CRY1: variants seen among roughly 807,000 people sequenced by gnomAD.
CRY1 encodes the protein cryptochrome-1.
CRY1 carries 45 observed loss-of-function variants against 76.0 expected under a neutral mutation model. The ratio of observed to expected loss-of-function variants is 0.59; its 90% CI spans 0.47 to 0.76. The LOEUF is 0.76. Among genes scored for constraint, CRY1 ranks in the 30% least tolerant of loss-of-function variants. The pLI, the probability that CRY1 is intolerant of heterozygous loss-of-function variation, is 0.00. For synonymous variants in CRY1, 248 were observed against 244.0 expected (o/e 1.02, Z -0.15); for missense variants, 587 against 716.4 (o/e 0.82, Z 2.06).
chr12:107,008,778 G>C lies in CRY1; in HGVS notation c.268-3530C>G, dbSNP rs375904520. 5.8e-4 allele frequency among the ~76,000 whole-genome samples: 89 copies of C among 152,276 alleles called. 1 individual carries two copies. The East Asian group carries it at 0.014, about 24-fold the overall frequency. ...CCCAGTGGGAGGTAACTGAATCATG[G>C]GGGTGGGTTTCGCCCGTGCTGTTCT... On this transcript the variant is annotated intron_variant, in intron 2 of 12. Coordinates refer to ENST00000008527, the MANE Select transcript of CRY1 (RefSeq NM_004075.5).
At chr12:107,064,834 C>T (rs1458518749) in intron 1 of CRY1, among the ~76,000 whole-genome samples, 1 of 152,090 alleles carries the variant, frequency 6.6e-6, no homozygotes, top group Non-Finnish European at 1.5e-5. Flanking sequence ...AAAGTATTCA[C>T]AAATATGTTA....
intron 1 of CRY1, among the ~76,000 whole-genome samples, chr12:107,076,915 T>C (rs1039387565): frequency 1.3e-5 from 2 of 152,166 alleles, no homozygotes; most frequent in Admixed American, 1.3e-4. Context: ...CTATGCAACA[T>C]GCCTGCTCCC....
chr12:107,061,439 G>GCAT (rs1048060882), intron 1 of CRY1, among the ~76,000 whole-genome samples: 3 of 151,648 alleles, frequency 2.0e-5, no homozygotes, highest in African/African-American at 7.3e-5. Flanking sequence ...GAGTTCAGTG[G>GCAT]CGTGATCTTA....
chr12:107,036,880 TG>T (rs762250062), intron 1 of CRY1, among the ~76,000 whole-genome samples: 15 of 152,178 alleles, frequency 9.9e-5, no homozygotes, highest in African/African-American at 3.6e-4. Context: ...AGGCTCTCTC[TG>T]ACCATCTTAT....
At chr12:107,078,316 CT>C (rs1274291261) in intron 1 of CRY1, among the ~76,000 whole-genome samples, 4 of 152,014 alleles carry the variant, frequency 2.6e-5, no homozygotes, top group Non-Finnish European at 5.9e-5. Context: ...CAATAATTTC[CT>C]TTTCCCACCT....
intron 1 of CRY1, among the ~76,000 whole-genome samples, chr12:107,032,494 G>A (rs933458181): frequency 1.4e-5 from 2 of 143,394 alleles, no homozygotes; most frequent in South Asian, 4.8e-4. Context: ...GGTGTGCTCT[G>A]AGATAACTGT....
chr12:107,029,713 C>T (rs944398445), intron 1 of CRY1, among the ~76,000 whole-genome samples: 7 of 151,664 alleles, frequency 4.6e-5, no homozygotes, highest in Non-Finnish European at 5.9e-5. Context: ...TCTATAATTT[C>T]AATCACTGAT....
chr12:107,075,015 C>CA (rs5800726), intron 1 of CRY1, among the ~76,000 whole-genome samples: 66,976 of 149,186 alleles, frequency 0.45, 15,144 homozygotes, highest in East Asian at 0.59. Context: ...AACTCTGTCT[C>CA]AAAAAAAAAA....
intron 1 of CRY1, among the ~76,000 whole-genome samples, chr12:107,066,334 T>C (rs1234223162): frequency 1.3e-5 from 2 of 152,256 alleles, no homozygotes; most frequent in African/African-American, 4.8e-5. Context: ...GTGTACATAA[T>C]ATGATCCCAT....
intron 2 of CRY1, among the ~76,000 whole-genome samples, chr12:107,007,530 CT>C (rs869308756): frequency 6.9e-3 from 970 of 139,922 alleles, no homozygotes; most frequent in Middle Eastern, 0.015. Context: ...TCTTTTTCTT[CT>C]TTTTTTTTTT....
At chr12:107,073,388 T>C (rs1049823108) in intron 1 of CRY1, among the ~76,000 whole-genome samples, 4 of 151,916 alleles carry the variant, frequency 2.6e-5, no homozygotes, top group African/African-American at 7.3e-5. Context: ...CATGAGCCAC[T>C]GTGCCTGGCC....
intron 1 of CRY1, among the ~76,000 whole-genome samples, chr12:107,075,703 A>G (rs1953244555): frequency 6.6e-6 from 1 of 152,300 alleles, no homozygotes; most frequent in South Asian, 2.1e-4. Context: ...ATTACTCTGA[A>G]TTCCACATGG....
At chr12:107,018,629 G>A (rs1952522138) in intron 2 of CRY1, among the ~76,000 whole-genome samples, 1 of 151,814 alleles carries the variant, frequency 6.6e-6, no homozygotes, top group African/African-American at 2.4e-5. Context: ...AAAAGAAATA[G>A]ATATAATGAG....
intron 1 of CRY1, among the ~76,000 whole-genome samples, chr12:107,036,889 T>G (rs1952739154): frequency 6.6e-6 from 1 of 152,118 alleles, no homozygotes; most frequent in African/African-American, 2.4e-5. Flanking sequence ...CTGACCATCT[T>G]ATCTAAAATA....
At chr12:107,073,337 GATC>G (rs2136894635) in intron 1 of CRY1, among the ~76,000 whole-genome samples, 1 of 151,836 alleles carries the variant, frequency 6.6e-6, no homozygotes, top group Admixed American at 6.6e-5. Context: ...TGGTTCAACT[GATC>G]CTCTTGCCTC....
chr12:107,042,757 T>A lies in CRY1; in HGVS notation c.159-20565A>T, dbSNP rs554383026. On this transcript the variant is annotated intron_variant, in intron 1 of 12. Transcript: ENST00000008527. The stretch of plus-strand genomic sequence containing the variant: ...AGAAACCCTGGTGAGTACAGAAACT[T>A]AGGATGGCCACACGGAGAATGGAAG... Among the ~76,000 whole-genome samples, 7 of 152,098 alleles carry A rather than the reference T, an allele frequency of 4.6e-5. No homozygotes were observed. In the South Asian group the frequency reaches 1.5e-3, roughly 32 times the overall value.
intron 10 of CRY1, among the ~76,000 whole-genome samples, 194 bp downstream of exon 10, chr12:106,997,100 T>C (rs1952240688): frequency 6.6e-6 from 1 of 152,338 alleles, no homozygotes; most frequent in Admixed American, 6.5e-5. Flanking sequence ...GTAATGATAT[T>C]TTCCATCTCT....
chr12:107,048,585 T>C (rs555103132), intron 1 of CRY1, among the ~76,000 whole-genome samples: 1 of 152,316 alleles, frequency 6.6e-6, no homozygotes, highest in African/African-American at 2.4e-5. Context: ...CCAAATACCG[T>C]ATGTCTCTCA....
chr12:107,055,945 A>G (rs1165911041), intron 1 of CRY1, among the ~76,000 whole-genome samples: 1 of 152,256 alleles, frequency 6.6e-6, no homozygotes, highest in Non-Finnish European at 1.5e-5. Context: ...TATTTAGATC[A>G]ATCTAATTGG....
Sources: gnomAD v4.1 joint callset for allele counts (sites outside exome capture counted in the v4.1 genomes callset) on GRCh38, gnomAD v4.1.1 for gene constraint, MANE v1.5 for transcripts, NCBI Gene and HGNC (gene_info 2026-07-23, HGNC 2026-07-21) for gene names.